Variants in XPNPEP1 observed in about 807,000 individuals in gnomAD.
The protein encoded by XPNPEP1 is xaa-Pro aminopeptidase 1.
XPNPEP1 carries 39 observed loss-of-function variants against 92.4 expected under a neutral mutation model. That is an observed-to-expected ratio of 0.42 (90% CI 0.33 to 0.55). The LOEUF (loss-of-function observed/expected upper bound fraction) is 0.55. Among genes scored for constraint, XPNPEP1 ranks in the 20% least tolerant of loss-of-function variants. The probability of loss-of-function intolerance (pLI) is 0.08; values close to 1 mark genes in which losing one functional copy is unlikely to be tolerated. For missense variants in XPNPEP1, 654 were observed against 856.1 expected, an observed-to-expected ratio of 0.76 and a Z score of 2.95; for synonymous variants, 307 against 299.4, an observed-to-expected ratio of 1.03 and a Z score of -0.26.
chr10:109,880,426 G>A (rs948221229), intron 11 of XPNPEP1, among the ~76,000 whole-genome samples, 188 bp from the exon 12 acceptor site: 1 of 152,096 alleles, frequency 6.6e-6, no homozygotes, highest in Non-Finnish European at 1.5e-5. Context: ...TCAGGGAAAG[G>A]CTCCTCTGCT....
At chr10:109,914,693 G>A (rs548414185) in intron 2 of XPNPEP1, among the ~76,000 whole-genome samples, 52 of 152,010 alleles carry the variant, frequency 3.4e-4, no homozygotes, top group African/African-American at 1.1e-3. Context: ...CTACTCCGGA[G>A]GCTGAGGCAG....
At chr10:109,880,967 C>G in intron 10 of XPNPEP1, 36 bp from the exon 11 acceptor site, 1 of 1,590,188 alleles carries the variant, frequency 6.3e-7, no homozygotes, top group Non-Finnish European at 8.6e-7. Context: ...GAAATCAAAC[C>G]GGCTCCACCC....
Position 109,899,826 on chromosome 10 carries a change from G to A in XPNPEP1, c.247-6751C>T, listed in dbSNP as rs148572022. On this transcript the variant is annotated intron_variant, in intron 3 of 20. Coordinates refer to ENST00000502935, the MANE Select transcript of XPNPEP1 (RefSeq NM_020383.4). Reference sequence around the variant, plus strand: ...ATAATATGGGGTCTACGGATGAGGAGGATGAGGAATCAAGATTTCTAAAAG... The same window carrying A: ...ATAATATGGGGTCTACGGATGAGGAAGATGAGGAATCAAGATTTCTAAAAG... Among the ~76,000 whole-genome samples the A allele has an allele frequency of 1.5e-3, 226 of 152,354 alleles. 2 individuals are homozygous for A. Among genetic ancestry groups the A allele is most frequent in the African/African-American group, 5.3e-3 (222 of 41,586 alleles).
At chr10:109,906,211 C>T (rs1849551482) in intron 3 of XPNPEP1, among the ~76,000 whole-genome samples, 2 of 152,198 alleles carry the variant, frequency 1.3e-5, no homozygotes, top group African/African-American at 4.8e-5. Flanking sequence ...CAGACACGCA[C>T]ACGTGCACAC....
intron 3 of XPNPEP1, among the ~76,000 whole-genome samples, chr10:109,894,552 TAAA>T (rs5787825): frequency 8.2e-5 from 10 of 121,896 alleles, no homozygotes; most frequent in Non-Finnish European, 1.3e-4. Context: ...AAACAAAAAT[TAAA>T]AAAAAAAAAA....
intron 5 of XPNPEP1, among the ~76,000 whole-genome samples, chr10:109,890,550 T>TTGTGTGTG (rs768880431): frequency 9.1e-4 from 94 of 103,144 alleles, no homozygotes; most frequent in Admixed American, 1.2e-3. Flanking sequence ...ATGCCTGCCT[T>TTGTGTGTG]TGTGTGTGTG....
intron 9 of XPNPEP1, 78 bp from the exon 10 acceptor site, chr10:109,882,720 A>G: frequency 6.8e-7 from 1 of 1,472,610 alleles, no homozygotes; most frequent in African/African-American, 1.4e-5. Flanking sequence ...ACACATACAC[A>G]TCAGGCTCTG....
chr10:109,880,120 G>A (rs1411899252), intron 12 of XPNPEP1, 68 bp downstream of exon 12: 2 of 1,501,892 alleles, frequency 1.3e-6, no homozygotes, highest in Non-Finnish European at 1.9e-6. Context: ...AGATGCTAGA[G>A]TTAGAATCAC....
intron 3 of XPNPEP1, chr10:109,893,337 AT>A: frequency 2.9e-6 from 1 of 350,654 alleles, no homozygotes; most frequent in East Asian, 4.4e-5. Context: ...GGAGAAACAG[AT>A]AAAAACTGCT....
chr10:109,898,447 T>C (rs1337800535), intron 3 of XPNPEP1, among the ~76,000 whole-genome samples: 2 of 152,202 alleles, frequency 1.3e-5, no homozygotes, highest in African/African-American at 4.8e-5. Flanking sequence ...ATGCTGAACA[T>C]GCAGTGTGGT....
At chr10:109,878,724 C>CA (rs1232409729) in intron 12 of XPNPEP1, among the ~76,000 whole-genome samples, 3 of 151,598 alleles carry the variant, frequency 2.0e-5, no homozygotes, top group African/African-American at 7.3e-5. Context: ...CTTATCTCTA[C>CA]AAAAAAATCA....
intron 3 of XPNPEP1, among the ~76,000 whole-genome samples, chr10:109,898,931 C>A (rs986497928): frequency 2.6e-5 from 4 of 152,200 alleles, no homozygotes; most frequent in African/African-American, 9.7e-5. Context: ...AGCGTGACAT[C>A]TTTCCCCTTC....
chr10:109,870,805 T>C lies in XPNPEP1; in HGVS notation c.1622A>G (p.His541Arg), dbSNP rs759079288. The change falls in exon 18 of 21, where the codon CAT becomes CGT. Residue 541 changes from histidine (H) to arginine (R), a missense_variant. By Grantham distance (29) the His-to-Arg change is conservative (BLOSUM62 0). Coordinates refer to ENST00000502935, the MANE Select transcript of XPNPEP1 (RefSeq NM_020383.4). ...GTAACTGATGCCGCAAGGACCCTCA[T>C]GGACATTCAAAAAAGACCCAACACC... ...GHGVGSFLNV[H>R]EGPCGISYKT... 6.2e-7 allele frequency: 1 copy of C among 1,614,132 alleles called. No homozygotes were observed. Among genetic ancestry groups the C allele is most frequent in the Non-Finnish European group, 8.5e-7 (1 of 1,180,030 alleles).
intron 16 of XPNPEP1, among the ~76,000 whole-genome samples, chr10:109,872,785 C>T (rs1245545795): frequency 6.6e-6 from 1 of 152,170 alleles, no homozygotes; most frequent in Non-Finnish European, 1.5e-5. Flanking sequence ...GAAGGTGGGT[C>T]CTTTTATCCT....
At chr10:109,865,650 C>T (rs1589531710) in intron 20 of XPNPEP1, among the ~76,000 whole-genome samples, 1 of 152,188 alleles carries the variant, frequency 6.6e-6, no homozygotes, top group Non-Finnish European at 1.5e-5. Context: ...GGAATAGCCC[C>T]GGACTCTGTG....
chr10:109,876,419 A>C (rs894996685), intron 14 of XPNPEP1: 3 of 152,268 alleles, frequency 2.0e-5, no homozygotes. Flanking sequence ...CCCCGCCTCT[A>C]AACAGGCTTC....
At chr10:109,923,228 T>A in intron 1 of XPNPEP1, 174 bp downstream of exon 1, 1 of 985,262 alleles carries the variant, frequency 1.0e-6, no homozygotes, top group Non-Finnish European at 1.2e-6. Context: ...CCCGGCCTCA[T>A]GGACCCCTTC....
chr10:109,907,627 CA>C, intron 3 of XPNPEP1, 63 bp downstream of exon 3: 1 of 1,603,814 alleles, frequency 6.2e-7, no homozygotes, highest in Non-Finnish European at 8.5e-7. Flanking sequence ...TAGAATCCTA[CA>C]AACACATTAG....
intron 19 of XPNPEP1, among the ~76,000 whole-genome samples, chr10:109,869,531 C>G (rs1001061779): frequency 2.0e-5 from 3 of 152,072 alleles, no homozygotes; most frequent in Non-Finnish European, 4.4e-5. Flanking sequence ...GGCCCCCCAC[C>G]CTGGAAATTC....
Sources: gnomAD v4.1 joint callset for allele counts (sites outside exome capture counted in the v4.1 genomes callset) on GRCh38, gnomAD v4.1.1 for gene constraint, MANE v1.5 for transcripts, NCBI Gene and HGNC (gene_info 2026-07-23, HGNC 2026-07-21) for gene names.